The following ALOXE3 variants were observed in gnomAD, a reference collection of about 807,000 sequenced individuals.
ALOXE3 encodes the protein arachidonate epidermal lipoxygenase 3.
ALOXE3 carries 78 observed loss-of-function variants against 87.5 expected under a neutral mutation model. That is an observed-to-expected ratio of 0.89 (90% confidence interval 0.74 to 1.08). The LOEUF (loss-of-function observed/expected upper bound fraction) is 1.08, where lower values mean the gene tolerates loss of function less well. Ranked by LOEUF, ALOXE3 falls within the 50% of genes least tolerant of loss-of-function variation. ALOXE3 has a pLI of 0.00. For missense variants in ALOXE3, 946 were observed against 912.4 expected, an observed-to-expected ratio of 1.04 and a Z score of -0.47; for synonymous variants, 363 against 370.8, an observed-to-expected ratio of 0.98 and a Z score of 0.24.
Position 8,096,784 on chromosome 17 carries a change from T to C in ALOXE3, c.1979A>G (p.Asp660Gly). Residue 660 changes from aspartate (D) to glycine (G), a missense_variant, in exon 16 of 16, where the codon GAT becomes GGT. Transcript: ENST00000448843. ...CGGGGCCTCCTCTGTGAAGTGCTCA[T>C]CTGGGTAGGTGCCCAGGGGCCTCTG... Reference protein sequence around the residue: ...KDQRPLGTYPDEHFTEEAPRR... With the variant: ...KDQRPLGTYPGEHFTEEAPRR... The C allele has an allele frequency of 6.2e-7, 1 of 1,614,164 alleles. No homozygotes were observed. Among genetic ancestry groups the C allele is most frequent in the Non-Finnish European group, 8.5e-7 (1 of 1,180,042 alleles).
rs750606878 is a variant in ALOXE3 at position 8,103,356 on chromosome 17, G to C, written c.1923C>G (p.Leu641=). 1 of 1,614,076 alleles carries C rather than the reference G, an allele frequency of 6.2e-7. No individual in the cohort carries two copies. Residue 641 remains leucine (L), a synonymous_variant, in exon 15 of 16, where the codon CTC becomes CTG. Coordinates refer to ENST00000448843, the MANE Select transcript of ALOXE3 (RefSeq NM_021628.3). ...EVNISCNNLL[L]FWLVSQEPKD... ...TGGGTTCTTGGCTAACCAACCAGAA[G>C]AGGAGGAGGTTGTTACAGCTGATGT... is the stretch of plus-strand genomic sequence containing the variant.
chr17:8,101,885 C>T (rs140568927), intron 15 of ALOXE3, among the ~76,000 whole-genome samples: 29 of 152,268 alleles, frequency 1.9e-4, no homozygotes, highest in African/African-American at 6.7e-4. Flanking sequence ...AGCAATCCAC[C>T]GGCCTCAGCC....
rs1980769761 is a variant in ALOXE3, at chr17:8,118,049, G to C, written c.-59C>G. The C allele has an allele frequency of 1.3e-6, 2 of 1,591,544 alleles. No homozygotes were observed. The highest frequency in any genetic ancestry group is 1.7e-6 in the Non-Finnish European group (2 of 1,171,374). On this transcript the variant is annotated 5_prime_UTR_variant, in exon 2 of 16. Transcript: ENST00000448843. ...TGGCCGCAGCAGCAGCCGGCCTGGA[G>C]GAGAAGAGCGGCACGCCGGACAGGG... is the stretch of plus-strand genomic sequence containing the variant.
rs868073054 is a variant in ALOXE3, at chr17:8,107,847, A to G, written c.1684+621T>C. Among the ~76,000 whole-genome samples the G allele has an allele frequency of 6.8e-3, 17 of 2,494 alleles. 1 individual carries two copies. Among genetic ancestry groups the G allele is most frequent in the African/African-American group, 0.017 (12 of 714 alleles). 1.6% of individuals were successfully genotyped at this position (2,494 alleles called of 152,430 possible). On this transcript the variant is annotated intron_variant, in intron 13 of 15. Coordinates refer to ENST00000448843, the MANE Select transcript of ALOXE3 (RefSeq NM_021628.3). ...AAAGAAAGAAAGAAAGAAAGAAAGA[A>G]AGAAAGAAAGAAAGAAAGAAAGAAA...
intron 14 of ALOXE3, 36 bp from the exon 15 acceptor site, chr17:8,103,529 C>T (rs1412961427): frequency 6.2e-7 from 1 of 1,610,572 alleles, no homozygotes; most frequent in South Asian, 1.1e-5. Flanking sequence ...GTCAGTTGGC[C>T]AGAAGGGGAG....
chr17:8,114,622 G>C lies in ALOXE3; in HGVS notation c.555-13C>G. The C allele has an allele frequency of 2.5e-6, 4 of 1,613,884 alleles. No homozygotes were observed. The African/African-American group carries it at 5.3e-5, about 22-fold the overall frequency. ...CCGATTCCCACTGCTGGGGGTCGGG[G>C]GAGTAGAAAGACAGAAACCAGTCAG... On this transcript the variant is annotated splice_polypyrimidine_tract_variant and intron_variant, in intron 5 of 15. Transcript: ENST00000448843.
Position 8,096,772 on chromosome 17 carries a change from G to T in ALOXE3, c.1991C>A (p.Thr664Lys), listed in dbSNP as rs1299582515. Residue 664 changes from threonine to lysine, a missense_variant, in exon 16 of 16, where the codon ACA becomes AAA. By Grantham distance (78) the Thr-to-Lys change is moderately conservative (BLOSUM62 -1). Transcript: ENST00000448843. ...GATGCTCCGCCTCGGGGCCTCCTCT[G>T]TGAAGTGCTCATCTGGGTAGGTGCC... is the stretch of plus-strand genomic sequence containing the variant. ...PLGTYPDEHF[T>K]EEAPRRSIAA... 2 of 1,614,202 alleles carry T rather than the reference G, an allele frequency of 1.2e-6. No individual in the cohort carries two copies. Among genetic ancestry groups the T allele is most frequent in the Non-Finnish European group, 1.7e-6 (2 of 1,180,046 alleles).
chr17:8,103,447 T>C lies in ALOXE3; in HGVS notation c.1832A>G (p.Gln611Arg). The stretch of plus-strand genomic sequence containing the variant: ...GGTCCCCTTGGTCTGGGGTGGGGGC[T>C]GCCTCATGGATGATGGAGCATTGGG... ...WMPNAPSSMRQPPPQTKGTTT... is the reference protein window; with the variant it reads ...WMPNAPSSMRRPPPQTKGTTT... Residue 611 changes from glutamine to arginine, a missense_variant, in exon 15 of 16, where the codon CAG becomes CGG. Coordinates refer to ENST00000448843, the MANE Select transcript of ALOXE3 (RefSeq NM_021628.3). 1.9e-6 allele frequency: 3 copies of C among 1,614,200 alleles called. No homozygotes were observed. The highest frequency in any genetic ancestry group is 1.7e-6 in the Non-Finnish European group (2 of 1,180,028).
intron 15 of ALOXE3, among the ~76,000 whole-genome samples, chr17:8,101,639 T>C (rs1026640974): frequency 3.3e-5 from 5 of 152,024 alleles, no homozygotes; most frequent in African/African-American, 1.2e-4. Flanking sequence ...TTTCTTTTTT[T>C]GTTGTTTTTT....
intron 8 of ALOXE3, 74 bp downstream of exon 8, chr17:8,111,285 C>T: frequency 6.3e-7 from 1 of 1,580,902 alleles, no homozygotes; most frequent in Non-Finnish European, 8.7e-7. Context: ...ATACCCTCCA[C>T]ACACATCCCT....
chr17:8,109,767 G>A, intron 11 of ALOXE3, 149 bp downstream of exon 11: 1 of 814,440 alleles, frequency 1.2e-6, no homozygotes, highest in Non-Finnish European at 1.9e-6. Context: ...GAGTGGGCGG[G>A]GCTGGTGGAA....
Position 8,096,755 on chromosome 17 carries a change from G to C in ALOXE3, c.2008C>G (p.Arg670Gly). Residue 670 changes from arginine to glycine, a missense_variant, in exon 16 of 16, where the codon CGG (arginine) becomes GGG (glycine). Arg to Gly is a moderately radical substitution (Grantham distance 125). Transcript: ENST00000448843. Reference sequence around the variant, plus strand: ...CGGCTCTGGAAGGCGGCGATGCTCCGCCTCGGGGCCTCCTCTGTGAAGTGC... The same window carrying C: ...CGGCTCTGGAAGGCGGCGATGCTCCCCCTCGGGGCCTCCTCTGTGAAGTGC... Reference protein sequence around the residue: ...DEHFTEEAPRRSIAAFQSRLA... With the variant: ...DEHFTEEAPRGSIAAFQSRLA... The C allele has an allele frequency of 6.2e-7, 1 of 1,614,174 alleles. No homozygotes were observed. The highest frequency in any genetic ancestry group is 8.5e-7 in the Non-Finnish European group (1 of 1,180,040).
Position 8,104,215 on chromosome 17 carries a change from C to A in ALOXE3, c.1685G>T (p.Gly562Val), listed in dbSNP as rs768880849. The part of the protein sequence containing the change: ...AQAFLGRESS[G>V]FPSRLCTPGE... ...TGGGGTGCACAGCCGGCTTGGGAAA[C>A]CTGGGTGTGGGGAGGAAGGGTAGAG... is the stretch of plus-strand genomic sequence containing the variant. The change falls in exon 14 of 16, where the codon GGT (glycine) becomes GTT (valine). Residue 562 changes from glycine to valine, a missense_variant and splice_region_variant. Transcript: ENST00000448843. 6.2e-7 allele frequency: 1 copy of A among 1,613,046 alleles called. No homozygotes were observed. The highest frequency in any genetic ancestry group is 1.3e-5 in the African/African-American group (1 of 74,834).
chr17:8,113,973 C>T (rs574657523), intron 6 of ALOXE3, among the ~76,000 whole-genome samples: 3 of 149,978 alleles, frequency 2.0e-5, no homozygotes, highest in East Asian at 2.0e-4. Flanking sequence ...TGCGGTGAGC[C>T]GAGATCGCGG....
At position 8,109,912 on chromosome 17, in the gene ALOXE3, G is replaced by A; in HGVS notation, c.1392+4C>T. 6.5e-7 allele frequency: 1 copy of A among 1,549,144 alleles called. No homozygotes were observed. The highest frequency in any genetic ancestry group is 8.7e-7 in the Non-Finnish European group (1 of 1,146,020). On this transcript the variant is annotated splice_donor_region_variant and intron_variant, in intron 11 of 15. Coordinates refer to ENST00000448843, the MANE Select transcript of ALOXE3 (RefSeq NM_021628.3). The stretch of plus-strand genomic sequence containing the variant: ...AGATCAGTGACCCGGCAGGGAGGCC[G>A]CACCTGGTCCACGAGGCCCTCGGGG...
chr17:8,096,745 G>A lies in ALOXE3; in HGVS notation c.2018C>T (p.Ala673Val), dbSNP rs373418000. ...FTEEAPRRSI[A>V]AFQSRLAQIS... ...CTGGGCCAGGCGGCTCTGGAAGGCG[G>A]CGATGCTCCGCCTCGGGGCCTCCTC... Residue 673 changes from alanine to valine, a missense_variant, in exon 16 of 16, where the codon GCC becomes GTC. Physicochemically the swap from Ala to Val is moderately conservative, Grantham distance 64 (BLOSUM62 0). Transcript: ENST00000448843. The A allele has an allele frequency of 1.2e-6, 2 of 1,614,188 alleles. No homozygotes were observed. Among genetic ancestry groups the A allele is most frequent in the East Asian group, 2.2e-5 (1 of 44,876 alleles).
chr17:8,098,246 T>TTTG (rs1567990362), intron 15 of ALOXE3, among the ~76,000 whole-genome samples: 6 of 140,992 alleles, frequency 4.3e-5, no homozygotes, highest in East Asian at 2.1e-4. Context: ...TTTTTTTTTT[T>TTTG]TTTTTTTTTT....
chr17:8,108,155 A>G (rs1979673737), intron 13 of ALOXE3, among the ~76,000 whole-genome samples: 1 of 152,148 alleles, frequency 6.6e-6, no homozygotes, highest in South Asian at 2.1e-4. Flanking sequence ...GAAGTCAGAG[A>G]TGGCTCCCAC....
Position 8,112,208 on chromosome 17 carries a change from G to C in ALOXE3, c.681-12C>G, listed in dbSNP as rs753221193. ...TCATTCCCAAGGACCTGATGGGAGA[G>C]GAAAAGATGAGGGTGAGGTCTGGGG... On this transcript the variant is annotated splice_polypyrimidine_tract_variant and intron_variant, in intron 6 of 15. Transcript: ENST00000448843. The C allele has an allele frequency of 1.9e-6, 3 of 1,606,516 alleles. No homozygotes were observed. Among genetic ancestry groups the C allele is most frequent in the Non-Finnish European group, 2.6e-6 (3 of 1,173,226 alleles).
Sources: gnomAD v4.1 joint callset for allele counts (sites outside exome capture counted in the v4.1 genomes callset) on GRCh38, gnomAD v4.1.1 for gene constraint, MANE v1.5 for transcripts, NCBI Gene and HGNC (gene_info 2026-07-23, HGNC 2026-07-21) for gene names.